SPDL1: variants seen among roughly 807,000 people sequenced by gnomAD.
The protein encoded by SPDL1 is spindle apparatus coiled-coil protein 1, also known as protein Spindly.
SPDL1 carries 85 observed loss-of-function variants against 79.5 expected under a neutral mutation model. The observed-to-expected ratio is 1.07, with a 90% CI of 0.90 to 1.28. The LOEUF is 1.28. SPDL1 is among the 50% of genes most tolerant of loss of function. The pLI, the probability that SPDL1 is intolerant of heterozygous loss-of-function variation, is 0.00. For synonymous variants in SPDL1, 269 were observed against 240.3 expected (o/e 1.12, Z -1.10); for missense variants, 703 against 697.8 (o/e 1.01, Z -0.08).
chr5:169,592,724 T>C (rs549199426), intron 3 of SPDL1, among the ~76,000 whole-genome samples: 27 of 152,056 alleles, frequency 1.8e-4, no homozygotes, highest in African/African-American at 6.5e-4. Context: ...TTTTTATTTT[T>C]GCAATAGTTT....
chr5:169,592,252 T>C (rs959931059), intron 3 of SPDL1, among the ~76,000 whole-genome samples: 6 of 126,318 alleles, frequency 4.7e-5, no homozygotes, highest in African/African-American at 1.8e-4. Context: ...AGTCTCACAC[T>C]GTCGCCCAGG....
chr5:169,589,546 C>T (rs1000524655), intron 2 of SPDL1, among the ~76,000 whole-genome samples: 2 of 150,820 alleles, frequency 1.3e-5, no homozygotes, highest in Non-Finnish European at 2.9e-5. Flanking sequence ...ATGGGCTTTA[C>T]ACCAGCTATT....
chr5:169,590,055 G>A (rs892010830), intron 2 of SPDL1, among the ~76,000 whole-genome samples: 1 of 152,320 alleles, frequency 6.6e-6, no homozygotes, highest in South Asian at 2.1e-4. Flanking sequence ...CCATGAGAGA[G>A]GGAATTTTGT....
chr5:169,604,000 T>C, intron 11 of SPDL1, 60 bp from the exon 12 acceptor site: 1 of 1,536,722 alleles, frequency 6.5e-7, no homozygotes, highest in Non-Finnish European at 8.7e-7. Flanking sequence ...ACTGGGGGTT[T>C]GTTTCTTCAA....
intron 1 of SPDL1, chr5:169,584,300 GTGTATTTGTTTAAATA>G (rs1754863797): frequency 6.6e-6 from 1 of 152,152 alleles, no homozygotes; most frequent in Admixed American, 6.5e-5. Flanking sequence ...GATGTTTTGA[GTGTATTTGTTTAAATA>G]TGTAAATTAA....
Position 169,594,482 on chromosome 5 carries a change from T to C in SPDL1, c.770T>C (p.Leu257Ser). The C allele has an allele frequency of 6.2e-7, 1 of 1,614,010 alleles. No homozygotes were observed. Among genetic ancestry groups the C allele is most frequent in the Non-Finnish European group, 8.5e-7 (1 of 1,179,858 alleles). Residue 257 changes from leucine (L) to serine (S), a missense_variant, in exon 6 of 12, where the codon TTG (leucine) becomes TCG (serine). By Grantham distance (145) the Leu-to-Ser change is moderately radical (BLOSUM62 -2). Transcript: ENST00000265295. ...GATCCCAATAGTAAAGGCAACTCTT[T>C]GTTTGCAGAGGTACTTATAAGTATC... is the stretch of plus-strand genomic sequence containing the variant. ...ALDPNSKGNS[L>S]FAEVEDRRAA...
chr5:169,600,744 T>A (rs1463383613), intron 10 of SPDL1, among the ~76,000 whole-genome samples: 1 of 152,232 alleles, frequency 6.6e-6, no homozygotes, highest in African/African-American at 2.4e-5. Flanking sequence ...ATTCTGCTTA[T>A]ATTTTGTAGG....
intron 11 of SPDL1, 42 bp downstream of exon 11, chr5:169,601,667 C>A: frequency 6.6e-7 from 1 of 1,510,482 alleles, no homozygotes; most frequent in East Asian, 2.3e-5. Context: ...CAGACCTCTC[C>A]ATCTCTCCTC....
chr5:169,596,938 A>G (rs1429352046), intron 8 of SPDL1, among the ~76,000 whole-genome samples: 1 of 152,106 alleles, frequency 6.6e-6, no homozygotes, highest in Admixed American at 6.6e-5. Context: ...TATTAGTTGG[A>G]ATTTTAGTAA....
chr5:169,590,736 T>C (rs1561868475), intron 2 of SPDL1: 2 of 472,638 alleles, frequency 4.2e-6, no homozygotes, highest in Non-Finnish European at 8.4e-6. Flanking sequence ...TGCTGTTAAA[T>C]CTTTTTTTGT....
At chr5:169,588,969 C>T (rs1216104233) in intron 2 of SPDL1, 1 of 153,594 alleles carries the variant, frequency 6.5e-6, no homozygotes, top group Non-Finnish European at 1.4e-5. Flanking sequence ...TCAAACTTAA[C>T]ACAGACAGAA....
At chr5:169,593,647 T>G in intron 4 of SPDL1, 99 bp downstream of exon 4, 1 of 1,246,830 alleles carries the variant, frequency 8.0e-7, no homozygotes, top group Non-Finnish European at 1.1e-6. Flanking sequence ...GTTTGAAGGC[T>G]GAAACATTTT....
chr5:169,587,493 A>C (rs1755047658), intron 1 of SPDL1: 1 of 152,214 alleles, frequency 6.6e-6, no homozygotes, highest in Non-Finnish European at 1.5e-5. Flanking sequence ...TCTAGAATGA[A>C]AGCAACATCC....
rs1475417934 is a variant in SPDL1 at position 169,601,362 on chromosome 5, C to A, written c.1407C>A (p.Asn469Lys). 2.5e-6 allele frequency: 4 copies of A among 1,613,996 alleles called. No homozygotes were observed. Among genetic ancestry groups the A allele is most frequent in the Non-Finnish European group, 3.4e-6 (4 of 1,179,976 alleles). The change falls in exon 11 of 12, where the codon AAC becomes AAA. Residue 469 changes from asparagine to lysine, a missense_variant. By Grantham distance (94) the Asn-to-Lys change is moderately conservative (BLOSUM62 0). Coordinates refer to ENST00000265295, the MANE Select transcript of SPDL1 (RefSeq NM_017785.5). ...CCACCGCTAAAGATGCATGTGTCAACAACAGTGCTCTCGGGGGAGAAGTTT... is the reference window on the plus strand; with the variant it reads ...CCACCGCTAAAGATGCATGTGTCAAAAACAGTGCTCTCGGGGGAGAAGTTT... Reference protein sequence around the residue: ...DITTAKDACVNNSALGGEVYR... With the variant: ...DITTAKDACVKNSALGGEVYR...
At position 169,599,177 on chromosome 5, in the gene SPDL1, A is replaced by G. The variant is rs372333727; in HGVS notation, c.1324+18A>G. 33 of 1,364,124 alleles carry G rather than the reference A, an allele frequency of 2.4e-5. No individual in the cohort carries two copies. The African/African-American group carries it at 2.8e-4, about 12-fold the overall frequency. 84.5% of individuals were successfully genotyped at this position (1,364,124 alleles called of 1,614,324 possible). A position where few individuals can be genotyped will look rare whatever the true frequency, so the allele number is the denominator to read the frequency against. Reference sequence around the variant, plus strand: ...ACCTGAAGGTATATATGTCTCATATATTTTTGTCTTTTAAATTATGAGTAA... The same window carrying G: ...ACCTGAAGGTATATATGTCTCATATGTTTTTGTCTTTTAAATTATGAGTAA... On this transcript the variant is annotated intron_variant, in intron 10 of 11. Transcript: ENST00000265295.
Position 169,599,040 on chromosome 5 carries a change from G to A in SPDL1, c.1205G>A (p.Arg402Gln), listed in dbSNP as rs1011819818. The A allele has an allele frequency of 6.3e-6, 10 of 1,593,840 alleles. No individual in the cohort carries two copies. The highest frequency in any genetic ancestry group is 3.4e-5 in the Admixed American group (2 of 58,582). ...ATGAAAGCATTATTTGAGAGCCAGC[G>A]GGCTCTAGATATTGAGCGAAAACTT... ...QRMKALFESQRALDIERKLFA... is the reference protein window; with the variant it reads ...QRMKALFESQQALDIERKLFA... Residue 402 changes from arginine to glutamine, a missense_variant, in exon 10 of 12, where the codon CGG (arginine) becomes CAG (glutamine). Arg to Gln is a conservative substitution (Grantham distance 43). Transcript: ENST00000265295.
intron 2 of SPDL1, 184 bp downstream of exon 2, chr5:169,588,759 T>A: frequency 4.3e-6 from 2 of 468,998 alleles, no homozygotes; most frequent in Non-Finnish European, 7.4e-6. Flanking sequence ...TCCACCCTAG[T>A]GTATTCAGAG....
chr5:169,598,546 C>A lies in SPDL1; in HGVS notation c.1103C>A (p.Thr368Lys), dbSNP rs762345417. The change falls in exon 9 of 12, where the codon ACA (threonine) becomes AAA (lysine). Residue 368 changes from threonine (T) to lysine (K), a missense_variant. By Grantham distance (78) the Thr-to-Lys change is moderately conservative (BLOSUM62 -1). Transcript: ENST00000265295. Reference sequence around the variant, plus strand: ...ACTCTGGAAGATAACACCTATTATACAGATTTACTTCAGATGAAGCTGGAT... The same window carrying A: ...ACTCTGGAAGATAACACCTATTATAAAGATTTACTTCAGATGAAGCTGGAT... ...SGTLEDNTYY[T>K]DLLQMKLDNL... The A allele has an allele frequency of 4.3e-6, 7 of 1,612,548 alleles. No homozygotes were observed. The Admixed American group carries it at 1.0e-4, about 23-fold the overall frequency.
chr5:169,603,354 A>G (rs554482007), intron 11 of SPDL1, among the ~76,000 whole-genome samples: 29 of 152,140 alleles, frequency 1.9e-4, no homozygotes, highest in African/African-American at 6.5e-4. Flanking sequence ...TTGAAACTCA[A>G]TTTTTTAATA....
Sources: gnomAD v4.1 joint callset for allele counts (sites outside exome capture counted in the v4.1 genomes callset) on GRCh38, gnomAD v4.1.1 for gene constraint, MANE v1.5 for transcripts, NCBI Gene and HGNC (gene_info 2026-07-23, HGNC 2026-07-21) for gene names.